TMED5: variants seen among roughly 807,000 people sequenced by gnomAD.
TMED5 encodes transmembrane emp24 domain-containing protein 5.
In TMED5, 27 loss-of-function variants were observed where a neutral mutation model predicts 23.0. The ratio of observed to expected loss-of-function variants is 1.17; its 90% CI spans 0.86 to 1.62. TMED5 has a LOEUF of 1.62. Among genes scored for constraint, TMED5 ranks in the 40% most tolerant of loss-of-function variants. TMED5 has a pLI of 0.00. For missense variants in TMED5, 248 were observed against 273.7 expected (o/e 0.91, Z 0.66); for synonymous variants, 97 against 100.8 (o/e 0.96, Z 0.23).
At chr1:93,157,605 A>C (rs1648118211) in intron 2 of TMED5, among the ~76,000 whole-genome samples, 3 of 152,046 alleles carry the variant, frequency 2.0e-5, no homozygotes, top group African/African-American at 4.8e-5. Context: ...AGTCCTAGCT[A>C]CTCGGGAGGC....
At chr1:93,168,576 C>T (rs1648585243) in intron 1 of TMED5, among the ~76,000 whole-genome samples, 1 of 152,222 alleles carries the variant, frequency 6.6e-6, no homozygotes, top group African/African-American at 2.4e-5. Context: ...TGGCTCACGC[C>T]TGTAATCCCA....
intron 1 of TMED5, chr1:93,179,836 G>T: frequency 1.9e-6 from 1 of 526,988 alleles, no homozygotes. Flanking sequence ...GAGAAGGCGG[G>T]TAGTCATCAA....
chr1:93,178,848 C>A (rs961445843), intron 1 of TMED5, among the ~76,000 whole-genome samples: 21 of 152,114 alleles, frequency 1.4e-4, no homozygotes, highest in Non-Finnish European at 2.8e-4. Flanking sequence ...AAAAACAATT[C>A]TCTACATCAA....
At chr1:93,167,455 T>G (rs1349033754) in intron 1 of TMED5, among the ~76,000 whole-genome samples, 1 of 152,212 alleles carries the variant, frequency 6.6e-6, no homozygotes, top group Non-Finnish European at 1.5e-5. Flanking sequence ...TGTTTTATAG[T>G]TTTCATTGTA....
rs1648001421 is a variant in TMED5 at position 93,154,816 on chromosome 1, C to T, written c.544G>A (p.Ala182Thr). ...HIQTLLRAFEARDRNIQESNF... is the reference protein window; with the variant it reads ...HIQTLLRAFETRDRNIQESNF... ...CTTTCTTGTATGTTTCGATCACGAG[C>T]TTCAAATGCTCTAAGCAGAGTTTGT... is the stretch of plus-strand genomic sequence containing the variant. Residue 182 changes from alanine (A) to threonine (T), a missense_variant, in exon 4 of 4, where the codon GCT becomes ACT. Transcript: ENST00000370282. 1 of 1,613,988 alleles carries T rather than the reference C, an allele frequency of 6.2e-7. No homozygotes were observed. The highest frequency in any genetic ancestry group is 8.5e-7 in the Non-Finnish European group (1 of 1,180,008).
intron 3 of TMED5, among the ~76,000 whole-genome samples, chr1:93,155,256 TTA>T (rs1215570512): frequency 6.6e-6 from 1 of 152,138 alleles, no homozygotes; most frequent in Non-Finnish European, 1.5e-5. Flanking sequence ...AAAATATGCT[TTA>T]TGTTTTTTAT....
chr1:93,152,654 CAG>C lies in TMED5; in HGVS notation c.*2014_*2015del, dbSNP rs1280724473. 6.6e-6 allele frequency: 1 copy of C among 152,540 alleles called. No individual in the cohort carries two copies. The highest frequency in any genetic ancestry group is 1.5e-5 in the Non-Finnish European group (1 of 67,990). 9.4% of individuals were successfully genotyped at this position (152,540 alleles called of 1,614,324 possible). A position where few individuals can be genotyped will look rare whatever the true frequency, so the allele number is the denominator to read the frequency against. On this transcript the variant is annotated 3_prime_UTR_variant, in exon 4 of 4. Transcript: ENST00000370282. ...ACAAATTCATTGTTAGGTAAGGAGTCAGAGAGTACAGTACAGTAACAGCCATA... is the reference window on the plus strand; with the variant it reads ...ACAAATTCATTGTTAGGTAAGGAGTCAGAGTACAGTACAGTAACAGCCATA...
Position 93,172,095 on chromosome 1 carries a change from A to G in TMED5, c.189+7959T>C, listed in dbSNP as rs1204129359. 2.6e-5 allele frequency among the ~76,000 whole-genome samples: 4 copies of G among 152,204 alleles called. No homozygotes were observed. In the East Asian group the frequency reaches 7.7e-4, roughly 29 times the overall value. Reference sequence around the variant, plus strand: ...ACTTAAGAACATTTACAAAAATCCTACAGCTAAGATCACACTTAATGGCGA... The same window carrying G: ...ACTTAAGAACATTTACAAAAATCCTGCAGCTAAGATCACACTTAATGGCGA... On this transcript the variant is annotated intron_variant, in intron 1 of 3. Transcript: ENST00000370282.
chr1:93,176,790 C>T (rs1486565284), intron 1 of TMED5, among the ~76,000 whole-genome samples: 1 of 152,202 alleles, frequency 6.6e-6, no homozygotes, highest in Non-Finnish European at 1.5e-5. Context: ...CTTGGCCTCC[C>T]AAACTGTTGG....
intron 1 of TMED5, among the ~76,000 whole-genome samples, chr1:93,173,606 AT>A (rs1648802987): frequency 6.6e-6 from 1 of 152,154 alleles, no homozygotes; most frequent in Non-Finnish European, 1.5e-5. Context: ...GTTTTGATGC[AT>A]TTAGGAAAAA....
intron 1 of TMED5, among the ~76,000 whole-genome samples, chr1:93,175,320 C>T (rs1010826393): frequency 1.7e-4 from 23 of 138,774 alleles, no homozygotes; most frequent in African/African-American, 4.9e-4. Context: ...TATATATACA[C>T]ACACACACAC....
chr1:93,166,502 C>T (rs1648512403), intron 1 of TMED5, among the ~76,000 whole-genome samples: 2 of 152,132 alleles, frequency 1.3e-5, no homozygotes, highest in Non-Finnish European at 2.9e-5. Context: ...ATTCACATTT[C>T]TCTGATGATC....
chr1:93,156,498 G>T lies in TMED5; in HGVS notation c.288-15C>A, dbSNP rs771663752. On this transcript the variant is annotated splice_polypyrimidine_tract_variant and intron_variant, in intron 2 of 3. Coordinates refer to ENST00000370282, the MANE Select transcript of TMED5 (RefSeq NM_016040.5). Reference sequence around the variant, plus strand: ...CAGTCTCTACACTGTATAAAAAAAAGTACATGTTTTAAGTTACCTGTATTT... The same window carrying T: ...CAGTCTCTACACTGTATAAAAAAAATTACATGTTTTAAGTTACCTGTATTT... The T allele has an allele frequency of 3.1e-6, 5 of 1,599,740 alleles. No individual in the cohort carries two copies. Among genetic ancestry groups the T allele is most frequent in the Non-Finnish European group, 4.3e-6 (5 of 1,170,060 alleles).
At chr1:93,174,938 T>C (rs1187675021) in intron 1 of TMED5, among the ~76,000 whole-genome samples, 1 of 151,686 alleles carries the variant, frequency 6.6e-6, no homozygotes, top group Non-Finnish European at 1.5e-5. Context: ...GTGAATAGTG[T>C]TGCACTGAAC....
intron 1 of TMED5, among the ~76,000 whole-genome samples, chr1:93,165,388 G>C (rs922259086): frequency 6.6e-6 from 1 of 152,036 alleles, no homozygotes; most frequent in African/African-American, 2.4e-5. Context: ...AGTAATAATA[G>C]CAACAATGTA....
chr1:93,167,485 G>C (rs1016426431), intron 1 of TMED5, among the ~76,000 whole-genome samples: 1 of 151,692 alleles, frequency 6.6e-6, no homozygotes, highest in Non-Finnish European at 1.5e-5. Context: ...CATTTTTTCG[G>C]CTAATTCTTT....
chr1:93,164,541 T>A (rs1441764548), intron 1 of TMED5, among the ~76,000 whole-genome samples: 4 of 152,060 alleles, frequency 2.6e-5, no homozygotes, highest in Non-Finnish European at 5.9e-5. Flanking sequence ...AAAAAAACAA[T>A]ATAAGTTCAC....
At chr1:93,160,313 T>G (rs1312317400) in intron 1 of TMED5, 87 bp from the exon 2 acceptor site, 4 of 746,316 alleles carry the variant, frequency 5.4e-6, no homozygotes, top group Non-Finnish European at 8.8e-6. Context: ...ATGTAAAGAT[T>G]ATCTAAGCTA....
At position 93,156,426 on chromosome 1, in the gene TMED5, A is replaced by T; in HGVS notation, c.345T>A (p.Ile115=). The T allele has an allele frequency of 1.2e-6, 2 of 1,613,950 alleles. No homozygotes were observed. Among genetic ancestry groups the T allele is most frequent in the Non-Finnish European group, 1.7e-6 (2 of 1,179,898 alleles). The change falls in exon 3 of 4, where the codon ATT becomes ATA. Residue 115 remains isoleucine (I), a synonymous_variant. Transcript: ENST00000370282. The stretch of plus-strand genomic sequence containing the variant: ...ATTCAAAGAAAATCACCTTCTCAGA[A>T]ATGGTGCTGAATGTATTGTCAAAGC... The part of the protein sequence containing the change: ...MFCFDNTFST[I]SEKVIFFELI...
Sources: allele counts gnomAD v4.1 joint callset (sites outside exome capture counted in the v4.1 genomes callset), GRCh38; gene constraint gnomAD v4.1.1; transcripts MANE v1.5; gene names NCBI Gene and HGNC (gene_info 2026-07-23, HGNC 2026-07-21).